Variants in WDR27 observed in about 807,000 individuals in gnomAD.
WDR27 encodes the protein WD repeat-containing protein 27.
WDR27 carries 100 observed loss-of-function variants against 114.4 expected under a neutral mutation model. The observed-to-expected ratio is 0.87, with a 90% CI of 0.74 to 1.03. The LOEUF (loss-of-function observed/expected upper bound fraction) is 1.03. Among genes scored for constraint, WDR27 ranks in the 50% least tolerant of loss-of-function variants. The probability of loss-of-function intolerance (pLI) is 0.00; values close to 1 mark genes in which losing one functional copy is unlikely to be tolerated. For missense variants in WDR27, 1,129 were observed against 1,092.9 expected (o/e 1.03, Z -0.47); for synonymous variants, 449 against 423.1 (o/e 1.06, Z -0.75).
At chr6:169,661,898 T>G (rs1157309275) in intron 9 of WDR27, among the ~76,000 whole-genome samples, 7 of 152,360 alleles carry the variant, frequency 4.6e-5, no homozygotes, top group African/African-American at 1.7e-4. Flanking sequence ...TTGCCAAATA[T>G]GTAATAATAT....
intron 19 of WDR27, among the ~76,000 whole-genome samples, chr6:169,635,006 G>T (rs964148920): frequency 3.9e-5 from 6 of 152,192 alleles, no homozygotes; most frequent in African/African-American, 1.4e-4. Context: ...AGGGGCAAAG[G>T]GCTGTGCCAG....
intron 22 of WDR27, among the ~76,000 whole-genome samples, chr6:169,610,859 T>C (rs1276991147): frequency 2.0e-5 from 3 of 152,110 alleles, no homozygotes; most frequent in Non-Finnish European, 4.4e-5. Flanking sequence ...CACAAAGGCA[T>C]ACAGAGTGGT....
intron 23 of WDR27, among the ~76,000 whole-genome samples, chr6:169,597,045 T>C (rs1806933722): frequency 6.6e-6 from 1 of 152,228 alleles, no homozygotes; most frequent in African/African-American, 2.4e-5. Flanking sequence ...ATGTTGTTCA[T>C]TATTTTTAGT....
intron 25 of WDR27, among the ~76,000 whole-genome samples, chr6:169,552,894 G>A (rs1278279995): frequency 2.0e-5 from 3 of 151,958 alleles, no homozygotes; most frequent in Non-Finnish European, 2.9e-5. Context: ...TGAGAGTTCC[G>A]CAGCAGCAGA....
rs1782433310 is a variant in WDR27 at position 169,684,617 on chromosome 6, C to T, written c.189+4200G>A. Among the ~76,000 whole-genome samples the T allele has an allele frequency of 6.6e-6, 1 of 152,202 alleles. No individual in the cohort carries two copies. Reference sequence around the variant, plus strand: ...ACATACCCCCAGGTCAGCCAAGCAGCCATAAGCTGTGTGACTATGTCCTGG... The same window carrying T: ...ACATACCCCCAGGTCAGCCAAGCAGTCATAAGCTGTGTGACTATGTCCTGG... On this transcript the variant is annotated intron_variant, in intron 2 of 25. Transcript: ENST00000448612. This position sits in a 1 kb window ranked among gnomAD's most constrained non-coding sequence, Gnocchi z 4.3.
intron 25 of WDR27, among the ~76,000 whole-genome samples, chr6:169,484,653 C>T (rs1475763670): frequency 6.6e-6 from 1 of 152,128 alleles, no homozygotes; most frequent in African/African-American, 2.4e-5. Flanking sequence ...ACATTCTTCA[C>T]ACAACTGGAA....
In WDR27 at chr6:169,492,198, G is replaced by T. The variant is rs1322152206; in HGVS notation, c.2646-34564C>A. ...AATATAGGAAGGTGGGTATGTTAGAGAACACATTAGAAATAAGAATTTTGA... is the reference window on the plus strand; with the variant it reads ...AATATAGGAAGGTGGGTATGTTAGATAACACATTAGAAATAAGAATTTTGA... On this transcript the variant is annotated intron_variant, in intron 25 of 25. Coordinates refer to ENST00000448612, the MANE Select transcript of WDR27 (RefSeq NM_182552.5). Among the ~76,000 whole-genome samples, 7 of 150,870 alleles carry T rather than the reference G, an allele frequency of 4.6e-5. No individual in the cohort carries two copies. The East Asian group carries it at 1.2e-3, about 25-fold the overall frequency.
intron 22 of WDR27, among the ~76,000 whole-genome samples, chr6:169,608,431 G>T (rs959954359): frequency 6.6e-6 from 1 of 152,150 alleles, no homozygotes; most frequent in Non-Finnish European, 1.5e-5. Context: ...ACTTACAGTT[G>T]CACATGCCTG....
At chr6:169,648,755 C>T (rs942113726) in intron 15 of WDR27, among the ~76,000 whole-genome samples, 7 of 152,210 alleles carry the variant, frequency 4.6e-5, no homozygotes, top group Non-Finnish European at 8.8e-5. Flanking sequence ...ACAAGGGGCC[C>T]AGGTGTATGC....
intron 25 of WDR27, among the ~76,000 whole-genome samples, chr6:169,532,124 C>T (rs1460424545): frequency 6.6e-6 from 1 of 152,000 alleles, no homozygotes; most frequent in Admixed American, 6.5e-5. Context: ...AATTTTAATA[C>T]AAGTGAAAAT....
At chr6:169,700,382 G>A (rs553903722) in intron 1 of WDR27, among the ~76,000 whole-genome samples, 40 of 152,342 alleles carry the variant, frequency 2.6e-4, no homozygotes, top group African/African-American at 8.2e-4. Context: ...CCAGAAGAGA[G>A]ACTACGGTAA....
chr6:169,651,787 C>G, intron 14 of WDR27, 143 bp downstream of exon 14: 1 of 704,178 alleles, frequency 1.4e-6, no homozygotes, highest in Non-Finnish European at 2.3e-6. Flanking sequence ...TCCAACCCAC[C>G]ACATTTTAAC....
the WDR27 span, among the ~76,000 whole-genome samples, chr6:169,430,610 C>T: frequency 1.3e-5 from 2 of 152,300 alleles, no homozygotes; most frequent in East Asian, 3.9e-4. Context: ...AGAAGGAAAA[C>T]AGGAACATCA....
the WDR27 span, among the ~76,000 whole-genome samples, chr6:169,427,518 G>A: frequency 6.6e-6 from 1 of 152,178 alleles, no homozygotes; most frequent in Non-Finnish European, 1.5e-5. Flanking sequence ...AATCATCTCA[G>A]ATCCAGGAGA....
At position 169,675,598 on chromosome 6, in the gene WDR27, A is replaced by G. The variant is rs143016953; in HGVS notation, c.190-3202T>C. Among the ~76,000 whole-genome samples the G allele has an allele frequency of 9.0e-3, 1,372 of 152,264 alleles. 17 individuals carry two copies. The highest frequency in any genetic ancestry group is 0.031 in the African/African-American group (1,285 of 41,546). ...GAGACATCAATCAAATACACTTAAG[A>G]AATACATTGGTTTCGTTCAGAAAGG... On this transcript the variant is annotated intron_variant, in intron 2 of 25. Transcript: ENST00000448612.
intron 25 of WDR27, among the ~76,000 whole-genome samples, chr6:169,485,302 G>C (rs1788738187): frequency 6.6e-6 from 1 of 152,124 alleles, no homozygotes; most frequent in Admixed American, 6.5e-5. Flanking sequence ...GCATCCGTAA[G>C]GAACTGAAAC....
chr6:169,510,797 C>CA (rs550082607), intron 25 of WDR27, among the ~76,000 whole-genome samples: 15 of 151,384 alleles, frequency 9.9e-5, no homozygotes, highest in Non-Finnish European at 1.9e-4. Context: ...TAAAAAAAGA[C>CA]AAAAAAAAGA....
intron 2 of WDR27, among the ~76,000 whole-genome samples, chr6:169,687,401 A>G (rs574993313): frequency 1.3e-5 from 2 of 152,264 alleles, no homozygotes; most frequent in East Asian, 3.9e-4. Flanking sequence ...AAAGACAGAT[A>G]ATCCAATAGA....
chr6:169,520,511 A>G (rs1345177710), intron 25 of WDR27, among the ~76,000 whole-genome samples: 1 of 152,206 alleles, frequency 6.6e-6, no homozygotes, highest in Non-Finnish European at 1.5e-5. Flanking sequence ...ACGAAACAAC[A>G]GCAAACAGGG....
Sources: allele counts gnomAD v4.1 joint callset (sites outside exome capture counted in the v4.1 genomes callset), GRCh38; gene constraint gnomAD v4.1.1; non-coding constraint Gnocchi (gnomAD v3.1); transcripts MANE v1.5; gene names NCBI Gene and HGNC (gene_info 2026-07-23, HGNC 2026-07-21).